The following SLC66A1 variants were observed in gnomAD, a reference collection of about 807,000 sequenced individuals.
SLC66A1 encodes the protein solute carrier family 66 member 1.
SLC66A1 carries 23 observed loss-of-function variants against 33.0 expected under a neutral mutation model. That is an observed-to-expected ratio of 0.70 (90% CI 0.50 to 0.99). The LOEUF is 0.99. Ranked by LOEUF, SLC66A1 falls within the 50% of genes least tolerant of loss-of-function variation. The pLI, the probability that SLC66A1 is intolerant of heterozygous loss-of-function variation, is 0.00. For synonymous variants in SLC66A1, 164 were observed against 175.5 expected, an observed-to-expected ratio of 0.93 and a Z score of 0.52; for missense variants, 335 against 383.6, an observed-to-expected ratio of 0.87 and a Z score of 1.06.
At chr1:19,318,146 A>G (rs991305508) in intron 2 of SLC66A1, among the ~76,000 whole-genome samples, 1 of 152,210 alleles carries the variant, frequency 6.6e-6, no homozygotes, top group African/African-American at 2.4e-5. Flanking sequence ...CTTGTGAAAC[A>G]GGGACAGTTA....
chr1:19,319,517 C>T (rs1280457710), intron 2 of SLC66A1, among the ~76,000 whole-genome samples: 1 of 151,632 alleles, frequency 6.6e-6, no homozygotes, highest in Non-Finnish European at 1.5e-5. Flanking sequence ...CTGTGTATAG[C>T]ACATTTGGTT....
At chr1:19,330,295 T>C (rs955530496), downstream of SLC66A1, among the ~76,000 whole-genome samples, 2 of 152,244 alleles carry the variant, frequency 1.3e-5, no homozygotes, top group Admixed American at 6.5e-5. Flanking sequence ...TGGGGTAGTC[T>C]TGGGGAGAGA....
At position 19,328,165 on chromosome 1, in the gene SLC66A1, G is replaced by A. The variant is rs1391381955; in HGVS notation, c.805-407G>A. 9.7e-6 allele frequency: 3 copies of A among 310,854 alleles called. No homozygotes were observed. The highest frequency in any genetic ancestry group is 1.8e-5 in the Non-Finnish European group (3 of 163,156). 19.3% of individuals were successfully genotyped at this position (310,854 alleles called of 1,614,324 possible). On this transcript the variant is annotated intron_variant, in intron 7 of 7. Transcript: ENST00000375153. The surrounding 1 kb of genome is among the most constrained non-coding windows in gnomAD (Gnocchi z 4.7). ...GTCTCATTTCGGAGCAAGTAAACAT[G>A]GCCTTTGTTTTAATATTTGTTAAGT...
intron 2 of SLC66A1, among the ~76,000 whole-genome samples, chr1:19,320,338 A>G (rs2093827983): frequency 6.6e-6 from 1 of 151,266 alleles, no homozygotes; most frequent in South Asian, 2.1e-4. Flanking sequence ...AAGCAGCTGC[A>G]TCATTTTACT....
chr1:19,317,349 G>A (rs2093811434), intron 1 of SLC66A1, among the ~76,000 whole-genome samples: 1 of 152,166 alleles, frequency 6.6e-6, no homozygotes, highest in African/African-American at 2.4e-5. Context: ...GATGAAGCAG[G>A]GATTTGAACA....
intron 2 of SLC66A1, among the ~76,000 whole-genome samples, chr1:19,319,830 C>T (rs1353462931): frequency 6.6e-6 from 1 of 150,790 alleles, no homozygotes; most frequent in Non-Finnish European, 1.5e-5. Flanking sequence ...TTGAGCCCAC[C>T]AGGCAGAGGC....
chr1:19,321,358 T>C (rs534569293), intron 2 of SLC66A1, among the ~76,000 whole-genome samples: 2 of 148,582 alleles, frequency 1.3e-5, no homozygotes, highest in South Asian at 2.1e-4. Flanking sequence ...ATTTTTTTTT[T>C]TGGTAGAGAC....
chr1:19,334,095 G>A (rs185474250), downstream of SLC66A1, among the ~76,000 whole-genome samples: 12 of 152,306 alleles, frequency 7.9e-5, no homozygotes, highest in African/African-American at 2.9e-4. Context: ...ACTGTGCCCA[G>A]CACAGGTAAG....
chr1:19,321,805 G>A (rs546832546), intron 2 of SLC66A1, among the ~76,000 whole-genome samples: 1 of 150,916 alleles, frequency 6.6e-6, no homozygotes, highest in Admixed American at 6.6e-5. Flanking sequence ...GACCTCAGGT[G>A]GTCTACCTGC....
At chr1:19,315,083 A>G (rs948420268) in intron 1 of SLC66A1, among the ~76,000 whole-genome samples, 1 of 151,944 alleles carries the variant, frequency 6.6e-6, no homozygotes. Context: ...TAATTTTTGT[A>G]TTTTTGATAG....
rs2093813845 is a variant in SLC66A1 at position 19,317,806 on chromosome 1, G to C, written c.129G>C (p.Leu43Phe). ...GWDEASVGLG[L>F]ISILCFAAST... ...ACGAGGCCAGCGTGGGCCTGGGCTT[G>C]ATCTCCATTCTCTGCTTTGCTGCAT... Residue 43 changes from leucine to phenylalanine, a missense_variant, in exon 2 of 8, where the codon TTG becomes TTC. Physicochemically the swap from Leu to Phe is conservative, Grantham distance 22 (BLOSUM62 0). Coordinates refer to ENST00000375153, the MANE Select transcript of SLC66A1 (RefSeq NM_001040125.2). 7 of 1,614,166 alleles carry C rather than the reference G, an allele frequency of 4.3e-6. No homozygotes were observed. The African/African-American group carries it at 5.3e-5, about 12-fold the overall frequency.
downstream of SLC66A1, among the ~76,000 whole-genome samples, chr1:19,331,155 G>A (rs1005063489): frequency 2.0e-5 from 3 of 152,288 alleles, no homozygotes; most frequent in African/African-American, 7.2e-5. Context: ...GGGATTACAG[G>A]CGCCTGCCGC....
rs142380832 is a variant in SLC66A1, at chr1:19,316,857, T to TTTTC, written c.-78-723_-78-720dup. On this transcript the variant is annotated intron_variant, in intron 1 of 7. Coordinates refer to ENST00000375153, the MANE Select transcript of SLC66A1 (RefSeq NM_001040125.2). ...AATTTTTGTATTTCTTTTCTTTTCT[T>TTTTC]TTTCTTTCTTTCTTTCTTTCTTTTT... Among the ~76,000 whole-genome samples, 266 of 140,520 alleles carry TTTTC rather than the reference T, an allele frequency of 1.9e-3. 5 individuals are homozygous for TTTTC. Among genetic ancestry groups the TTTTC allele is most frequent in the Admixed American group, 2.8e-3 (38 of 13,490 alleles). 92.2% of individuals were successfully genotyped at this position (140,520 alleles called of 152,430 possible). A position where few individuals can be genotyped will look rare whatever the true frequency, so the allele number is the denominator to read the frequency against.
Position 19,317,845 on chromosome 1 carries a change from AGTAGT to A in SLC66A1, c.164+7_164+11del. ...GCTTTGCTGCATCTACCTTCCCGTG[AGTAGT>A]GTCTTGGTGGCAGGACCAGGGCAGG... On this transcript the variant is annotated splice_donor_5th_base_variant and intron_variant, in intron 2 of 7. Transcript: ENST00000375153. 1 of 1,612,656 alleles carries A rather than the reference AGTAGT, an allele frequency of 6.2e-7. No homozygotes were observed. Among genetic ancestry groups the A allele is most frequent in the South Asian group, 1.1e-5 (1 of 90,972 alleles).
intron 3 of SLC66A1, 48 bp downstream of exon 3, chr1:19,324,810 C>T: frequency 6.2e-7 from 1 of 1,604,804 alleles, no homozygotes; most frequent in Non-Finnish European, 8.5e-7. Context: ...CCCTGCTTCA[C>T]CCTGCAGGGT....
At chr1:19,332,818 G>A (rs1461283211), downstream of SLC66A1, among the ~76,000 whole-genome samples, 4 of 152,178 alleles carry the variant, frequency 2.6e-5, no homozygotes, top group Non-Finnish European at 5.9e-5. Flanking sequence ...GAAGGGAAAA[G>A]TGTGGACAGT....
chr1:19,323,132 G>T (rs1461126490), intron 2 of SLC66A1, among the ~76,000 whole-genome samples: 1 of 151,672 alleles, frequency 6.6e-6, no homozygotes, highest in Non-Finnish European at 1.5e-5. Context: ...TCTTGCCTCA[G>T]CCTCCTGAAG....
At chr1:19,330,087 C>T (rs1167466272), downstream of SLC66A1, among the ~76,000 whole-genome samples, 4 of 152,206 alleles carry the variant, frequency 2.6e-5, no homozygotes, top group African/African-American at 9.7e-5. Context: ...CCCACTCAGC[C>T]TCCCGAGGAG....
In SLC66A1 at chr1:19,318,860, C is replaced by T. The variant is rs548518706; in HGVS notation, c.164+1019C>T. 1.4e-3 allele frequency among the ~76,000 whole-genome samples: 217 copies of T among 151,966 alleles called. 2 individuals carry two copies. Among genetic ancestry groups the T allele is most frequent in the African/African-American group, 5.0e-3 (208 of 41,448 alleles). On this transcript the variant is annotated intron_variant, in intron 2 of 7. Transcript: ENST00000375153. Reference sequence around the variant, plus strand: ...AGGTGTTGGCCTCTAGGCTAAAAGCCAAGGATAGGACAGCATTGGGGGTGA... The same window carrying T: ...AGGTGTTGGCCTCTAGGCTAAAAGCTAAGGATAGGACAGCATTGGGGGTGA...
Sources: allele counts gnomAD v4.1 joint callset (sites outside exome capture counted in the v4.1 genomes callset), GRCh38; gene constraint gnomAD v4.1.1; non-coding constraint Gnocchi (gnomAD v3.1); transcripts MANE v1.5; gene names NCBI Gene and HGNC (gene_info 2026-07-23, HGNC 2026-07-21).